The following XRRA1 variants were observed in gnomAD, a reference collection of about 807,000 sequenced individuals.
The protein encoded by XRRA1 is X-ray radiation resistance associated 1, also known as X-ray radiation resistance-associated protein 1.
In XRRA1, 69 loss-of-function variants were observed where a neutral mutation model predicts 80.2. The observed-to-expected ratio is 0.86, with a 90% CI of 0.71 to 1.05. XRRA1 has a LOEUF of 1.05. XRRA1 is among the 50% of genes least tolerant of loss of function. The pLI is 0.00. For synonymous variants in XRRA1, 348 were observed against 389.9 expected (o/e 0.89, Z 1.27); for missense variants, 967 against 976.4 (o/e 0.99, Z 0.13).
chr11:74,921,234 G>T lies in XRRA1; in HGVS notation c.636C>A (p.Pro212=). Residue 212 remains proline, a synonymous_variant, in exon 8 of 19, where the codon CCC becomes CCA. Transcript: ENST00000684022. ...LTGNGLTSLP[P]NLAVAEQEAS... ...CTTACTGTTCTGCGACGGCCAAATT[G>T]GGCGGCAGGGAGGTAAGGCCATTGC... is the stretch of plus-strand genomic sequence containing the variant. 6.2e-7 allele frequency: 1 copy of T among 1,613,902 alleles called. No homozygotes were observed. Among genetic ancestry groups the T allele is most frequent in the Non-Finnish European group, 8.5e-7 (1 of 1,179,824 alleles).
chr11:74,906,863 G>A, intron 9 of XRRA1: 1 of 433,826 alleles, frequency 2.3e-6, no homozygotes, highest in Non-Finnish European at 4.1e-6. Context: ...TGTCTCTACT[G>A]TCAGGGTCCG....
chr11:74,843,986 T>G (rs774795982), intron 17 of XRRA1, 27 bp from the exon 18 acceptor site: 4 of 1,597,286 alleles, frequency 2.5e-6, no homozygotes, highest in Non-Finnish European at 2.6e-6. Flanking sequence ...GAGGAGGGTG[T>G]TATCCCAGGT....
rs115792316 is a variant in XRRA1 at position 74,895,324 on chromosome 11, A to G, written c.1003+10915T>C. 4.2e-3 allele frequency among the ~76,000 whole-genome samples: 645 copies of G among 152,346 alleles called. 3 individuals carry two copies. Among genetic ancestry groups the G allele is most frequent in the African/African-American group, 0.015 (614 of 41,574 alleles). Reference sequence around the variant, plus strand: ...GTGCTGCCCTGTCACAGCAGAGAATAAAGCCATGCTGGGCTCAGCTGGTGC... The same window carrying G: ...GTGCTGCCCTGTCACAGCAGAGAATGAAGCCATGCTGGGCTCAGCTGGTGC... On this transcript the variant is annotated intron_variant, in intron 10 of 18. Transcript: ENST00000684022.
chr11:74,884,255 G>A (rs926886155), intron 10 of XRRA1, among the ~76,000 whole-genome samples: 1 of 152,216 alleles, frequency 6.6e-6, no homozygotes, highest in Non-Finnish European at 1.5e-5. Flanking sequence ...ACAGGGGAAT[G>A]TCAGCAGCTG....
In XRRA1 at chr11:74,851,054, C is replaced by T. The variant is rs1416926381; in HGVS notation, c.1380+34G>A. The T allele has an allele frequency of 1.1e-5, 17 of 1,565,108 alleles. No individual in the cohort carries two copies. The South Asian group carries it at 1.4e-4, about 13-fold the overall frequency. ...ATACATTATAATAGGCTGCACTCTTCCTGGGGGTGGGAGTCCTGCCTTGGA... is the reference window on the plus strand; with the variant it reads ...ATACATTATAATAGGCTGCACTCTTTCTGGGGGTGGGAGTCCTGCCTTGGA... On this transcript the variant is annotated intron_variant, in intron 14 of 18. Coordinates refer to ENST00000684022, the MANE Select transcript of XRRA1 (RefSeq NM_001378157.1).
intron 10 of XRRA1, among the ~76,000 whole-genome samples, chr11:74,892,206 G>C (rs1392643930): frequency 6.6e-6 from 1 of 152,082 alleles, no homozygotes; most frequent in Non-Finnish European, 1.5e-5. Context: ...CCAAAACAGA[G>C]ATATAGACCA....
intron 18 of XRRA1, 27 bp downstream of exon 18, chr11:74,843,827 A>T: frequency 6.3e-7 from 1 of 1,583,250 alleles, no homozygotes; most frequent in Non-Finnish European, 8.6e-7. Context: ...TGGATCTGGG[A>T]TCCTGGCAGC....
chr11:74,889,220 A>C (rs1033341756), intron 10 of XRRA1, among the ~76,000 whole-genome samples: 1 of 152,158 alleles, frequency 6.6e-6, no homozygotes, highest in Non-Finnish European at 1.5e-5. Flanking sequence ...CAGAAACTCT[A>C]CAAGCCAGAA....
At chr11:74,940,115 A>G in intron 3 of XRRA1, among the ~76,000 whole-genome samples, 1 of 152,162 alleles carries the variant, frequency 6.6e-6, no homozygotes, top group East Asian at 1.9e-4. Context: ...CCTTTGCCCT[A>G]CCCTTTCAAA....
intron 10 of XRRA1, among the ~76,000 whole-genome samples, chr11:74,904,667 T>G (rs2054205355): frequency 6.6e-6 from 1 of 152,026 alleles, no homozygotes; most frequent in South Asian, 2.1e-4. Context: ...TGAGTTAAAT[T>G]CTTCTATGAA....
At position 74,940,875 on chromosome 11, in the gene XRRA1, C is replaced by T; in HGVS notation, c.4G>A (p.Ala2Thr). Residue 2 changes from alanine (A) to threonine (T), a missense_variant, in exon 3 of 19, where the codon GCC becomes ACC. By Grantham distance (58) the Ala-to-Thr change is moderately conservative. Coordinates refer to ENST00000684022, the MANE Select transcript of XRRA1 (RefSeq NM_001378157.1). ...TCCAGCTTGTAGATTCCTGAGAAGG[C>T]CATCTCCCTGAGAGCCAGGCAAGGA... MAFSGIYKLDDG... is the reference protein window; with the variant it reads MTFSGIYKLDDG... 1 of 1,606,284 alleles carries T rather than the reference C, an allele frequency of 6.2e-7. No homozygotes were observed. Among genetic ancestry groups the T allele is most frequent in the South Asian group, 1.1e-5 (1 of 89,192 alleles).
At chr11:74,906,191 T>C (rs1217337117) in intron 10 of XRRA1, 48 bp downstream of exon 10, 1 of 1,552,476 alleles carries the variant, frequency 6.4e-7, no homozygotes, top group African/African-American at 1.4e-5. Flanking sequence ...CTCAGAAGTG[T>C]ATTTCCACCA....
chr11:74,867,758 C>T (rs1354181467), intron 10 of XRRA1, among the ~76,000 whole-genome samples: 1 of 151,880 alleles, frequency 6.6e-6, no homozygotes, highest in Non-Finnish European at 1.5e-5. Context: ...AAGACCATCC[C>T]CAAGAAACAT....
chr11:74,885,893 G>T (rs1202972257), intron 10 of XRRA1, among the ~76,000 whole-genome samples: 2 of 152,214 alleles, frequency 1.3e-5, no homozygotes, highest in Non-Finnish European at 2.9e-5. Context: ...TTCCTGGGAT[G>T]CAAGGTTGGT....
In XRRA1 at chr11:74,848,278, G is replaced by T. The variant is rs2135452065; in HGVS notation, c.1565C>A (p.Ser522Tyr). The change falls in exon 15 of 19, where the codon TCC (serine) becomes TAC (tyrosine). Residue 522 changes from serine to tyrosine, a missense_variant. Coordinates refer to ENST00000684022, the MANE Select transcript of XRRA1 (RefSeq NM_001378157.1). Reference protein sequence around the residue: ...EMPTENLEGHSPSCRTFVPLP... With the variant: ...EMPTENLEGHYPSCRTFVPLP... ...TGGCACGAAGGTCCGGCAAGACGGG[G>T]AATGGCCTTCCAGGTTCTCAGTGGG... 3 of 1,613,962 alleles carry T rather than the reference G, an allele frequency of 1.9e-6. No individual in the cohort carries two copies. The highest frequency in any genetic ancestry group is 2.2e-5 in the South Asian group (2 of 91,060).
chr11:74,851,165 G>A lies in XRRA1; in HGVS notation c.1303C>T (p.Leu435=). 6.2e-7 allele frequency: 1 copy of A among 1,613,190 alleles called. No individual in the cohort carries two copies. Among genetic ancestry groups the A allele is most frequent in the Non-Finnish European group, 8.5e-7 (1 of 1,179,450 alleles). ...PLLKSFLQER[L]GIHLIRRKIV... ...TTCCTTCGAATTAAGTGGATTCCCA[G>A]TCGCTCCTGGAGGAAGCTCTTCAGC... The change falls in exon 14 of 19, where the codon CTG becomes TTG. Residue 435 remains leucine, a synonymous_variant. Transcript: ENST00000684022.
chr11:74,866,379 A>G (rs1178637291), intron 10 of XRRA1, among the ~76,000 whole-genome samples: 3 of 152,008 alleles, frequency 2.0e-5, no homozygotes, highest in African/African-American at 7.3e-5. Context: ...TCAGCCTCCC[A>G]TGTAGCTGGG....
intron 1 of XRRA1, among the ~76,000 whole-genome samples, chr11:74,946,500 C>T (rs575154723): frequency 2.6e-5 from 4 of 152,186 alleles, no homozygotes; most frequent in Non-Finnish European, 5.9e-5. Flanking sequence ...TAAGACTTGC[C>T]TCTTCCCTTT....
At chr11:74,930,213 G>A in intron 6 of XRRA1, 87 bp downstream of exon 6, 4 of 1,120,688 alleles carry the variant, frequency 3.6e-6, no homozygotes, top group Non-Finnish European at 5.2e-6. Context: ...GCCAATCATA[G>A]ATGGTTGGAC....
Sources: allele counts gnomAD v4.1 joint callset (sites outside exome capture counted in the v4.1 genomes callset), GRCh38; gene constraint gnomAD v4.1.1; transcripts MANE v1.5; gene names NCBI Gene and HGNC (gene_info 2026-07-23, HGNC 2026-07-21).